The following TMEM120B variants were observed in gnomAD, a reference collection of about 807,000 sequenced individuals.
The protein encoded by TMEM120B is transmembrane protein 120B.
A neutral mutation model predicts 55.5 loss-of-function variants in TMEM120B; 31 were observed. That is an observed-to-expected ratio of 0.56 (90% CI 0.42 to 0.75). The LOEUF (loss-of-function observed/expected upper bound fraction) is 0.75. Ranked by LOEUF, TMEM120B falls within the 30% of genes least tolerant of loss-of-function variation. TMEM120B has a pLI of 0.00. For synonymous variants in TMEM120B, 203 were observed against 176.3 expected (o/e 1.15, Z -1.20); for missense variants, 399 against 425.5 (o/e 0.94, Z 0.55).
Position 121,780,800 on chromosome 12 carries a change from C to T in TMEM120B, c.*5078C>T, listed in dbSNP as rs763518586. 6 of 1,521,358 alleles carry T rather than the reference C, an allele frequency of 3.9e-6. No individual in the cohort carries two copies. The South Asian group carries it at 6.3e-5, about 16-fold the overall frequency. 94.2% of individuals were successfully genotyped at this position (1,521,358 alleles called of 1,614,324 possible). On this transcript the variant is annotated 3_prime_UTR_variant, in exon 12 of 12. Coordinates refer to ENST00000449592, the MANE Select transcript of TMEM120B (RefSeq NM_001080825.2). ...TCCCTGAAAGGCCACTAAGGCACCC[C>T]AGTTGCAGAGGCCAAAGGTCCGGGA...
intron 5 of TMEM120B, chr12:121,759,003 A>G: frequency 1.0e-6 from 1 of 985,468 alleles, no homozygotes; most frequent in Non-Finnish European, 1.2e-6. Context: ...GTTACAGACA[A>G]TATGGCCCAC....
chr12:121,779,401 T>C lies in TMEM120B; in HGVS notation c.*3679T>C. 1 of 1,325,380 alleles carries C rather than the reference T, an allele frequency of 7.5e-7. No homozygotes were observed. Among genetic ancestry groups the C allele is most frequent in the Admixed American group, 2.1e-5 (1 of 47,062 alleles). 82.1% of individuals were successfully genotyped at this position (1,325,380 alleles called of 1,614,324 possible). A position where few individuals can be genotyped will look rare whatever the true frequency, so the allele number is the denominator to read the frequency against. ...GTCTAGCCGCAGGCCCCAGACACCA[T>C]GAGCTGGAGGGTCGGGATGGGGCAG... is the stretch of plus-strand genomic sequence containing the variant. On this transcript the variant is annotated 3_prime_UTR_variant, in exon 12 of 12. Transcript: ENST00000449592.
chr12:121,735,092 A>G (rs1189152318), intron 1 of TMEM120B, among the ~76,000 whole-genome samples: 1 of 150,038 alleles, frequency 6.7e-6, no homozygotes, highest in African/African-American at 2.4e-5. Context: ...AGGCTGAGGC[A>G]GGAGAATCAC....
At chr12:121,774,995 A>T (rs1354065160) in intron 10 of TMEM120B, 67 bp from the exon 11 acceptor site, 1 of 1,564,776 alleles carries the variant, frequency 6.4e-7, no homozygotes, top group East Asian at 2.3e-5. Flanking sequence ...CCTGGCCATC[A>T]CCCTGGCTTT....
intron 5 of TMEM120B, chr12:121,758,181 AG>A (rs914761084): frequency 4.1e-6 from 4 of 985,328 alleles, no homozygotes; most frequent in Admixed American, 6.1e-5. Flanking sequence ...AAGCCCTCAG[AG>A]GGGCGTCTGT....
At chr12:121,767,654 C>T (rs1873893157) in intron 6 of TMEM120B, among the ~76,000 whole-genome samples, 1 of 152,218 alleles carries the variant, frequency 6.6e-6, no homozygotes, top group Non-Finnish European at 1.5e-5. Flanking sequence ...AATCACATCA[C>T]AGTAAAATGG....
rs1331113169 is a variant in TMEM120B, at chr12:121,776,172, G to A, written c.*450G>A. 7 of 342,402 alleles carry A rather than the reference G, an allele frequency of 2.0e-5. No individual in the cohort carries two copies. The highest frequency in any genetic ancestry group is 9.6e-5 in the East Asian group (2 of 20,804). The allele number at this position is 342,402 out of a possible 1,614,324, so 21.2% of individuals were successfully genotyped here. A position where few individuals can be genotyped will look rare whatever the true frequency, so the allele number is the denominator to read the frequency against. ...CAGTGTCCTGTGGCGCCCCCACCCC[G>A]GGGCCACTCTGCTTCTGCTGTGAGC... is the stretch of plus-strand genomic sequence containing the variant. On this transcript the variant is annotated 3_prime_UTR_variant, in exon 12 of 12. Transcript: ENST00000449592.
chr12:121,727,785 A>T (rs565339327), intron 1 of TMEM120B, among the ~76,000 whole-genome samples: 1 of 149,194 alleles, frequency 6.7e-6, no homozygotes, highest in African/African-American at 2.4e-5. Flanking sequence ...GAGGCAGGAG[A>T]ATGGCGTGAA....
intron 1 of TMEM120B, among the ~76,000 whole-genome samples, chr12:121,723,420 A>G (rs1262398555): frequency 6.6e-6 from 1 of 152,146 alleles, no homozygotes; most frequent in Non-Finnish European, 1.5e-5. Flanking sequence ...TGGCCACAGC[A>G]GGGAGCTGTT....
At chr12:121,725,486 C>T (rs1431872834) in intron 1 of TMEM120B, among the ~76,000 whole-genome samples, 2 of 152,004 alleles carry the variant, frequency 1.3e-5, no homozygotes, top group Non-Finnish European at 2.9e-5. Flanking sequence ...GGTATCTACC[C>T]AAGAGAAATG....
Position 121,775,633 on chromosome 12 carries a change from CTCA to C in TMEM120B, c.934_936del (p.Ile312del), listed in dbSNP as rs972754766. ...GGTGTTCGTACTGGCGTTCACCTTC[CTCA>C]TCCTCTTCCTCGGCAACTTCCTGAC... On this transcript the variant is annotated inframe_deletion, in exon 12 of 12. Coordinates refer to ENST00000449592, the MANE Select transcript of TMEM120B (RefSeq NM_001080825.2). The surrounding 1 kb of genome is among the most constrained non-coding windows in gnomAD (Gnocchi z 4.3). 1.8e-5 allele frequency: 29 copies of C among 1,613,864 alleles called. No homozygotes were observed. The highest frequency in any genetic ancestry group is 2.4e-5 in the Non-Finnish European group (28 of 1,179,934).
At chr12:121,768,614 T>C (rs1355112217) in intron 6 of TMEM120B, among the ~76,000 whole-genome samples, 2 of 152,150 alleles carry the variant, frequency 1.3e-5, no homozygotes, top group East Asian at 3.8e-4. Flanking sequence ...CCCACGAGCA[T>C]CCCCAGCCTC....
intron 2 of TMEM120B, 34 bp from the exon 3 acceptor site, chr12:121,748,292 G>GC: frequency 6.4e-7 from 1 of 1,551,816 alleles, no homozygotes; most frequent in Non-Finnish European, 8.9e-7. Flanking sequence ...TCTGAGTGAC[G>GC]CCCCTTCCCC....
chr12:121,735,687 G>A lies in TMEM120B; in HGVS notation c.70-7942G>A, dbSNP rs1005112061. Among the ~76,000 whole-genome samples the A allele has an allele frequency of 3.7e-4, 54 of 147,464 alleles. 1 individual carries two copies. Among genetic ancestry groups the A allele is most frequent in the Admixed American group, 1.0e-3 (15 of 14,702 alleles). On this transcript the variant is annotated intron_variant, in intron 1 of 11. Transcript: ENST00000449592. Reference sequence around the variant, plus strand: ...GCTGGGATTACAGGCATGAGCCACCGTGCCCGGCCTTTTTTTTTTTTGAGA... The same window carrying A: ...GCTGGGATTACAGGCATGAGCCACCATGCCCGGCCTTTTTTTTTTTTGAGA...
intron 1 of TMEM120B, among the ~76,000 whole-genome samples, chr12:121,739,798 CT>C (rs200085137): frequency 0.27 from 27,035 of 99,322 alleles, 2,438 homozygotes; most frequent in African/African-American, 0.36. Context: ...TGCAACACTT[CT>C]TTTTTTTTTT....
At chr12:121,769,513 C>T (rs563153980) in intron 6 of TMEM120B, among the ~76,000 whole-genome samples, 25 of 151,916 alleles carry the variant, frequency 1.6e-4, no homozygotes, top group South Asian at 4.2e-4. Flanking sequence ...TGAGACCAGT[C>T]GGGGCAACAT....
chr12:121,738,012 C>CA (rs59357934), intron 1 of TMEM120B, among the ~76,000 whole-genome samples: 14,492 of 69,392 alleles, frequency 0.21, 894 homozygotes, highest in African/African-American at 0.23. Flanking sequence ...CCTGTCTCCA[C>CA]AAAAAAAAAA....
chr12:121,758,593 TGGA>T (rs1182847954), intron 5 of TMEM120B: 1 of 976,780 alleles, frequency 1.0e-6, no homozygotes, highest in African/African-American at 1.9e-5. Flanking sequence ...GTGGTCACCA[TGGA>T]GGAGGACGGC....
chr12:121,736,090 A>G (rs925852282), intron 1 of TMEM120B, among the ~76,000 whole-genome samples: 7 of 152,138 alleles, frequency 4.6e-5, no homozygotes, highest in African/African-American at 1.7e-4. Context: ...GAGTTACTAG[A>G]TACGTTTTCT....
Sources: allele counts gnomAD v4.1 joint callset (sites outside exome capture counted in the v4.1 genomes callset), GRCh38; gene constraint gnomAD v4.1.1; non-coding constraint Gnocchi (gnomAD v3.1); transcripts MANE v1.5; gene names NCBI Gene and HGNC (gene_info 2026-07-23, HGNC 2026-07-21).